Variants in DLGAP2 observed in about 807,000 individuals in gnomAD.
The protein encoded by DLGAP2 is disks large-associated protein 2.
DLGAP2 carries 26 observed loss-of-function variants against 100.3 expected under a neutral mutation model. The ratio of observed to expected loss-of-function variants is 0.26; its 90% CI spans 0.19 to 0.36. The LOEUF is 0.36. Ranked by LOEUF, DLGAP2 falls within the 10% of genes least tolerant of loss-of-function variation. The probability of loss-of-function intolerance (pLI) is 1.00; values close to 1 mark genes in which losing one functional copy is unlikely to be tolerated. For missense variants in DLGAP2, 1,858 were observed against 1,453.2 expected, an observed-to-expected ratio of 1.28 and a Z score of -4.53; for synonymous variants, 886 against 630.1, an observed-to-expected ratio of 1.41 and a Z score of -6.08.
chr8:1,288,713 A>G, intron 3 of DLGAP2, among the ~76,000 whole-genome samples: 1 of 125,274 alleles, frequency 8.0e-6, no homozygotes, highest in African/African-American at 3.1e-5. Flanking sequence ...CTGTTAGGGG[A>G]ACTTGTTTCG....
At chr8:1,641,937 A>AC (rs1417201990) in intron 8 of DLGAP2, among the ~76,000 whole-genome samples, 1 of 110,878 alleles carries the variant, frequency 9.0e-6, no homozygotes, top group African/African-American at 4.5e-5. Flanking sequence ...GTCACCCTCG[A>AC]CCCCGCCGGT....
At chr8:1,473,347 C>G (rs1282103232) in intron 3 of DLGAP2, among the ~76,000 whole-genome samples, 5 of 152,192 alleles carry the variant, frequency 3.3e-5, no homozygotes, top group African/African-American at 1.2e-4. Flanking sequence ...GACTGCCACT[C>G]AGGGATGAGA....
chr8:1,296,320 A>C (rs117846113), intron 3 of DLGAP2: 7 of 152,176 alleles, frequency 4.6e-5, no homozygotes, highest in African/African-American at 1.7e-4. Context: ...CTTTATAAAT[A>C]AATTCCGAGT....
At chr8:1,407,797 G>T (rs7834741) in intron 3 of DLGAP2, among the ~76,000 whole-genome samples, 3 of 62,208 alleles carry the variant, frequency 4.8e-5, no homozygotes, top group East Asian at 8.2e-4. Flanking sequence ...CTCATCCTCC[G>T]GGGTCGTGTA....
chr8:1,081,072 C>T (rs899248747), intron 2 of DLGAP2, among the ~76,000 whole-genome samples: 1 of 151,944 alleles, frequency 6.6e-6, no homozygotes, highest in Non-Finnish European at 1.5e-5. Flanking sequence ...ATTATAAAAC[C>T]TTATTAAATT....
intron 1 of DLGAP2, among the ~76,000 whole-genome samples, chr8:800,706 G>T (rs925756179): frequency 6.6e-6 from 1 of 152,122 alleles, no homozygotes; most frequent in African/African-American, 2.4e-5. Flanking sequence ...GCATGTGTGT[G>T]TCTGTGTGTC....
At chr8:1,489,354 A>G (rs983154637) in intron 3 of DLGAP2, among the ~76,000 whole-genome samples, 2 of 152,176 alleles carry the variant, frequency 1.3e-5, no homozygotes, top group African/African-American at 4.8e-5. Context: ...GGAGTGGATG[A>G]GCGAGGGACT....
intron 3 of DLGAP2, among the ~76,000 whole-genome samples, chr8:1,367,506 A>G (rs559348594): frequency 1.4e-4 from 21 of 152,340 alleles, no homozygotes; most frequent in African/African-American, 4.6e-4. Context: ...CGGAATTCCA[A>G]AAGTCCAGGC....
chr8:738,035 G>T (rs1404102455), intron 1 of DLGAP2: 1 of 300,912 alleles, frequency 3.3e-6, no homozygotes, highest in East Asian at 5.5e-5. Context: ...TGCGCTCCTC[G>T]CCGGGCTCCG....
intron 5 of DLGAP2, among the ~76,000 whole-genome samples, chr8:1,549,923 A>G (rs1037422300): frequency 6.6e-6 from 1 of 152,118 alleles, no homozygotes; most frequent in African/African-American, 2.4e-5. Flanking sequence ...CCACCTATTC[A>G]ATACGTGGTT....
At chr8:1,524,129 CT>C (rs1200602863) in intron 4 of DLGAP2, among the ~76,000 whole-genome samples, 10 of 152,272 alleles carry the variant, frequency 6.6e-5, no homozygotes, top group South Asian at 6.2e-4. Context: ...CGGGGCTGGC[CT>C]TGTCTTTCAA....
chr8:903,059 G>A (rs1294426500), intron 1 of DLGAP2, among the ~76,000 whole-genome samples: 1 of 150,964 alleles, frequency 6.6e-6, no homozygotes, highest in Non-Finnish European at 1.5e-5. Context: ...GCGGTGGGGC[G>A]GTTTGAGACC....
At chr8:1,376,849 T>A (rs1195988747) in intron 3 of DLGAP2, among the ~76,000 whole-genome samples, 2 of 151,932 alleles carry the variant, frequency 1.3e-5, no homozygotes, top group Non-Finnish European at 2.9e-5. Context: ...TATTTGGCCG[T>A]GAAAGCGAAA....
At chr8:813,971 C>A (rs142081000) in intron 1 of DLGAP2, among the ~76,000 whole-genome samples, 1 of 152,086 alleles carries the variant, frequency 6.6e-6, no homozygotes, top group Non-Finnish European at 1.5e-5. Context: ...AGGGAATCAT[C>A]CCCTTAAAGG....
chr8:1,540,437 G>C (rs1199167494), intron 4 of DLGAP2, among the ~76,000 whole-genome samples: 1 of 152,154 alleles, frequency 6.6e-6, no homozygotes, highest in African/African-American at 2.4e-5. Flanking sequence ...TAATGAAAGA[G>C]AGGGAAAGGA....
intron 3 of DLGAP2, among the ~76,000 whole-genome samples, chr8:1,480,172 C>T (rs984134265): frequency 3.3e-5 from 5 of 152,156 alleles, no homozygotes; most frequent in African/African-American, 1.2e-4. Context: ...TACCGAACAT[C>T]CCCCCTCCGC....
chr8:943,741 C>T (rs151108927), intron 2 of DLGAP2, among the ~76,000 whole-genome samples: 1,832 of 152,284 alleles, frequency 0.012, 49 homozygotes, highest in African/African-American at 0.042. Flanking sequence ...ACAAGCACAG[C>T]GAGAACCGCT....
chr8:1,366,446 C>T (rs749282370), intron 3 of DLGAP2, among the ~76,000 whole-genome samples: 1 of 152,164 alleles, frequency 6.6e-6, no homozygotes, highest in African/African-American at 2.4e-5. Flanking sequence ...CAAGAACAGA[C>T]GTGGGTCCCC....
At chr8:913,990 G>A (rs1798541383) in intron 2 of DLGAP2, among the ~76,000 whole-genome samples, 1 of 152,136 alleles carries the variant, frequency 6.6e-6, no homozygotes, top group Admixed American at 6.6e-5. Flanking sequence ...CGTGTGGATT[G>A]GTTACCTGTT....
Sources: allele counts gnomAD v4.1 joint callset (sites outside exome capture counted in the v4.1 genomes callset), GRCh38; gene constraint gnomAD v4.1.1; transcripts MANE v1.5; gene names NCBI Gene and HGNC (gene_info 2026-07-23, HGNC 2026-07-21).